Variants in PARD3B observed in about 807,000 individuals in gnomAD.
PARD3B encodes partitioning defective 3 homolog B.
In PARD3B, 103 loss-of-function variants were observed where a neutral mutation model predicts 130.2. That is an observed-to-expected ratio of 0.79 (90% CI 0.67 to 0.93). PARD3B has a LOEUF of 0.93. Among genes scored for constraint, PARD3B ranks in the 40% least tolerant of loss-of-function variants. PARD3B has a pLI of 0.00. For missense variants in PARD3B, 1,609 were observed against 1,499.2 expected (o/e 1.07, Z -1.21); for synonymous variants, 583 against 553.2 (o/e 1.05, Z -0.76).
chr2:204,829,860 G>A (rs1262736561), intron 2 of PARD3B, among the ~76,000 whole-genome samples: 1 of 152,024 alleles, frequency 6.6e-6, no homozygotes, highest in South Asian at 2.1e-4. Flanking sequence ...TTAGCTGGGC[G>A]TGGTAGTGGG....
At chr2:205,360,079 A>C (rs947620700) in intron 18 of PARD3B, among the ~76,000 whole-genome samples, 5 of 152,006 alleles carry the variant, frequency 3.3e-5, no homozygotes, top group African/African-American at 1.2e-4. Flanking sequence ...TATTGTCTAC[A>C]TTTCTGATTT....
chr2:205,382,405 A>G (rs192382104), intron 18 of PARD3B, among the ~76,000 whole-genome samples: 3 of 152,244 alleles, frequency 2.0e-5, no homozygotes, highest in East Asian at 3.9e-4. Context: ...ATGTTGATGT[A>G]TCTTATAACT....
chr2:205,351,821 T>G lies in PARD3B; in HGVS notation c.2631-49192T>G, dbSNP rs946334886. Among the ~76,000 whole-genome samples, 2 of 151,784 alleles carry G rather than the reference T, an allele frequency of 1.3e-5. No individual in the cohort carries two copies. Among genetic ancestry groups the G allele is most frequent in the African/African-American group, 4.8e-5 (2 of 41,310 alleles). On this transcript the variant is annotated intron_variant, in intron 18 of 22. Coordinates refer to ENST00000406610, the MANE Select transcript of PARD3B (RefSeq NM_001302769.2). This position sits in a 1 kb window ranked among gnomAD's most constrained non-coding sequence, Gnocchi z 4.2. The stretch of plus-strand genomic sequence containing the variant: ...AACAAGAAAAAAAAAAAACGTTGGC[T>G]TCCAGAGACCAGAGACTTTGCTTAA...
At chr2:204,859,878 G>T (rs1225206216) in intron 2 of PARD3B, among the ~76,000 whole-genome samples, 1 of 152,192 alleles carries the variant, frequency 6.6e-6, no homozygotes, top group Non-Finnish European at 1.5e-5. Flanking sequence ...GCTTAACCTT[G>T]TTAAGGGACT....
intron 2 of PARD3B, among the ~76,000 whole-genome samples, chr2:204,779,511 G>A (rs969317898): frequency 6.6e-6 from 1 of 152,150 alleles, no homozygotes; most frequent in African/African-American, 2.4e-5. Context: ...GTGAGGACCA[G>A]AATAATATAG....
chr2:204,610,044 G>A lies in PARD3B; in HGVS notation c.120+63925G>A, dbSNP rs951227058. ...GAACTTGGTGTCTTATTGCCACAAA[G>A]CGTCTGTTTTTTCAGTCTTATGATG... is the stretch of plus-strand genomic sequence containing the variant. On this transcript the variant is annotated intron_variant, in intron 1 of 22. Coordinates refer to ENST00000406610, the MANE Select transcript of PARD3B (RefSeq NM_001302769.2). This position sits in a 1 kb window ranked among gnomAD's most constrained non-coding sequence, Gnocchi z 4.1. Among the ~76,000 whole-genome samples, 1 of 152,072 alleles carries A rather than the reference G, an allele frequency of 6.6e-6. No homozygotes were observed.
intron 2 of PARD3B, among the ~76,000 whole-genome samples, chr2:204,931,235 A>G (rs1575338844): frequency 6.6e-6 from 1 of 152,226 alleles, no homozygotes; most frequent in South Asian, 2.1e-4. Context: ...CCTGTAAGCT[A>G]TTTGAGCTCA....
intron 16 of PARD3B, among the ~76,000 whole-genome samples, chr2:205,267,983 A>G (rs1484564459): frequency 6.6e-6 from 1 of 152,204 alleles, no homozygotes; most frequent in East Asian, 1.9e-4. Context: ...CATATTTTAT[A>G]TGGCACCAAC....
intron 11 of PARD3B, among the ~76,000 whole-genome samples, chr2:205,163,732 G>A (rs2034640024): frequency 6.6e-6 from 1 of 152,150 alleles, no homozygotes; most frequent in Non-Finnish European, 1.5e-5. Flanking sequence ...GGAGCTCCCA[G>A]CGTGACTAAT....
intron 15 of PARD3B, among the ~76,000 whole-genome samples, chr2:205,211,181 A>G (rs1574402623): frequency 6.6e-6 from 1 of 152,244 alleles, no homozygotes; most frequent in Middle Eastern, 3.4e-3. Context: ...AATATACTTG[A>G]CATACAGCAG....
At chr2:205,534,341 G>A (rs1485646032) in intron 21 of PARD3B, among the ~76,000 whole-genome samples, 5 of 152,138 alleles carry the variant, frequency 3.3e-5, no homozygotes, top group South Asian at 2.1e-4. Flanking sequence ...CAAAGTGGTC[G>A]GAGAAGGCTA....
intron 16 of PARD3B, among the ~76,000 whole-genome samples, chr2:205,294,044 G>A (rs2041701811): frequency 6.6e-6 from 1 of 152,066 alleles, no homozygotes; most frequent in Non-Finnish European, 1.5e-5. Context: ...GTACCCACAT[G>A]TCTCTTCTGG....
intron 12 of PARD3B, among the ~76,000 whole-genome samples, chr2:205,173,904 G>A (rs926876333): frequency 1.3e-5 from 2 of 152,132 alleles, no homozygotes; most frequent in Non-Finnish European, 2.9e-5. Flanking sequence ...TTGAAAGGAT[G>A]GACTGCGAAC....
intron 1 of PARD3B, among the ~76,000 whole-genome samples, chr2:204,625,118 C>CT (rs2034442835): frequency 6.6e-6 from 1 of 152,032 alleles, no homozygotes; most frequent in South Asian, 2.1e-4. Flanking sequence ...TAGATGAGTC[C>CT]TTTGTAAGAT....
At chr2:205,359,886 A>G (rs577820274) in intron 18 of PARD3B, among the ~76,000 whole-genome samples, 237 of 152,326 alleles carry the variant, frequency 1.6e-3, no homozygotes, top group African/African-American at 5.6e-3. Flanking sequence ...CATGGGAGCC[A>G]TAGAATAAAT....
chr2:204,990,981 G>A (rs4675483), intron 3 of PARD3B, among the ~76,000 whole-genome samples: 151,149 of 152,304 alleles, frequency 0.99, 75,016 homozygotes, highest in Middle Eastern at 1. Context: ...TTCTCTACAG[G>A]AACACACAGC....
At chr2:204,977,370 TCTC>T (rs1692263563) in intron 3 of PARD3B, among the ~76,000 whole-genome samples, 2 of 152,114 alleles carry the variant, frequency 1.3e-5, no homozygotes, top group South Asian at 2.1e-4. Context: ...TTAATGTTGT[TCTC>T]CTCCCTCAAC....
At chr2:205,153,200 T>C (rs557799189) in intron 10 of PARD3B, among the ~76,000 whole-genome samples, 1 of 152,326 alleles carries the variant, frequency 6.6e-6, no homozygotes, top group South Asian at 2.1e-4. Context: ...CAGCCCCTAC[T>C]GGGAGGTGTC....
intron 2 of PARD3B, among the ~76,000 whole-genome samples, chr2:204,833,903 C>A (rs1055529925): frequency 5.9e-5 from 9 of 152,078 alleles, no homozygotes; most frequent in Non-Finnish European, 1.5e-5. Context: ...GTGTCCCAGC[C>A]CCACCTACCT....
Sources: allele counts gnomAD v4.1 joint callset (sites outside exome capture counted in the v4.1 genomes callset), GRCh38; gene constraint gnomAD v4.1.1; non-coding constraint Gnocchi (gnomAD v3.1); transcripts MANE v1.5; gene names NCBI Gene and HGNC (gene_info 2026-07-23, HGNC 2026-07-21).